Variants in MYPN observed in about 807,000 individuals in gnomAD.
MYPN encodes myopalladin.
A neutral mutation model predicts 129.4 loss-of-function variants in MYPN; 63 were observed. The ratio of observed to expected loss-of-function variants is 0.49; its 90% CI spans 0.40 to 0.60. The LOEUF (loss-of-function observed/expected upper bound fraction) is 0.60, where lower values mean the gene tolerates loss of function less well. Ranked by LOEUF, MYPN falls within the 20% of genes least tolerant of loss-of-function variation. The probability of loss-of-function intolerance (pLI) is 0.00; values close to 1 mark genes in which losing one functional copy is unlikely to be tolerated. For missense variants in MYPN, 1,596 were observed against 1,635.4 expected, an observed-to-expected ratio of 0.98 and a Z score of 0.42; for synonymous variants, 629 against 600.9, an observed-to-expected ratio of 1.05 and a Z score of -0.68.
At chr10:68,116,534 C>T (rs1307690729) in intron 1 of MYPN, among the ~76,000 whole-genome samples, 1 of 152,152 alleles carries the variant, frequency 6.6e-6, no homozygotes, top group Non-Finnish European at 1.5e-5. Flanking sequence ...GAAAGTAAAG[C>T]ATTCCAGCCT....
At chr10:68,089,860 T>C (rs1324505696) in intron 1 of MYPN, among the ~76,000 whole-genome samples, 7 of 152,180 alleles carry the variant, frequency 4.6e-5, no homozygotes, top group Non-Finnish European at 7.3e-5. Context: ...TAATAAATGC[T>C]TTACAGTAAT....
At chr10:68,177,527 A>T (rs1211678635) in intron 12 of MYPN, among the ~76,000 whole-genome samples, 1 of 152,196 alleles carries the variant, frequency 6.6e-6, no homozygotes, top group Non-Finnish European at 1.5e-5. Context: ...TGGGAAATAA[A>T]ATGATGATCA....
intron 15 of MYPN, 92 bp downstream of exon 15, chr10:68,195,624 A>G: frequency 9.5e-7 from 1 of 1,048,796 alleles, no homozygotes; most frequent in South Asian, 1.3e-5. Context: ...CAAATTCTTA[A>G]TTAAAGGTAG....
At chr10:68,140,546 T>C (rs578042196) in intron 2 of MYPN, among the ~76,000 whole-genome samples, 1 of 152,104 alleles carries the variant, frequency 6.6e-6, no homozygotes, top group South Asian at 2.1e-4. Flanking sequence ...GTAACAATCA[T>C]TCAGAATTGA....
intron 1 of MYPN, among the ~76,000 whole-genome samples, chr10:68,094,289 A>G (rs376524653): frequency 3.4e-5 from 5 of 148,936 alleles, no homozygotes; most frequent in South Asian, 2.1e-4. Context: ...TTTGAGATGG[A>G]GTTTCGCTCT....
chr10:68,184,349 C>T (rs577218528), intron 12 of MYPN, among the ~76,000 whole-genome samples: 2 of 152,294 alleles, frequency 1.3e-5, no homozygotes, highest in South Asian at 4.1e-4. Context: ...GTAAAAGGAT[C>T]GGATGCATGA....
intron 1 of MYPN, among the ~76,000 whole-genome samples, chr10:68,093,589 A>G (rs991509287): frequency 7.9e-5 from 12 of 151,246 alleles, no homozygotes; most frequent in African/African-American, 2.4e-4. Flanking sequence ...AAAAAAAAAA[A>G]AAAAAGAAAT....
intron 12 of MYPN, among the ~76,000 whole-genome samples, chr10:68,176,833 C>G (rs10509297): frequency 0.18 from 28,033 of 152,162 alleles, 3,093 homozygotes; most frequent in East Asian, 0.39. Flanking sequence ...CTAGGATACT[C>G]TCACATTTTC....
At position 68,148,280 on chromosome 10, in the gene MYPN, C is replaced by T. The variant is rs1392300309; in HGVS notation, c.1131-73C>T. 2.5e-6 allele frequency: 3 copies of T among 1,188,188 alleles called. No individual in the cohort carries two copies. The East Asian group carries it at 7.5e-5, about 30-fold the overall frequency. 73.6% of individuals were successfully genotyped at this position (1,188,188 alleles called of 1,614,324 possible). ...TCACCTGTAAGCAGTGATGCCATTA[C>T]TAGTTTTCCTAAAATAATTTTCACA... On this transcript the variant is annotated intron_variant, in intron 4 of 19. Transcript: ENST00000358913.
At chr10:68,181,190 C>T (rs546955529) in intron 12 of MYPN, among the ~76,000 whole-genome samples, 1 of 152,264 alleles carries the variant, frequency 6.6e-6, no homozygotes, top group East Asian at 1.9e-4. Flanking sequence ...ATGGAGAACA[C>T]GGCATAAACC....
intron 2 of MYPN, among the ~76,000 whole-genome samples, chr10:68,130,475 A>T (rs1485407518): frequency 6.6e-6 from 1 of 151,984 alleles, no homozygotes; most frequent in Non-Finnish European, 1.5e-5. Flanking sequence ...TCTCGAAAAA[A>T]AAAAAAAACA....
At chr10:68,187,995 A>G (rs1366088918) in intron 12 of MYPN, among the ~76,000 whole-genome samples, 2 of 152,254 alleles carry the variant, frequency 1.3e-5, no homozygotes, top group Non-Finnish European at 1.5e-5. Context: ...GCAAGAGAAT[A>G]GGTGACAATG....
upstream of MYPN, chr10:68,109,271 G>A (rs1258948209): frequency 1.9e-5 from 4 of 214,216 alleles, no homozygotes; most frequent in African/African-American, 9.1e-5. Context: ...GATGAACTAT[G>A]GTATAATGCA....
intron 13 of MYPN, 51 bp downstream of exon 13, chr10:68,189,177 C>T (rs574159457): frequency 3.8e-6 from 5 of 1,328,994 alleles, no homozygotes; most frequent in African/African-American, 2.9e-5. Flanking sequence ...AAGCTATAGA[C>T]AGTGCCTTCA....
Position 68,117,893 on chromosome 10 carries a change from A to C in MYPN, c.-1-3545A>C, listed in dbSNP as rs554062662. Among the ~76,000 whole-genome samples the C allele has an allele frequency of 1.2e-4, 19 of 152,032 alleles. No homozygotes were observed. The South Asian group carries it at 3.5e-3, about 28-fold the overall frequency. ...TTCTACCTATGATATGGCTACTACT[A>C]TTATATCTGTTTTACAGATGAGTAA... On this transcript the variant is annotated intron_variant, in intron 1 of 19. Transcript: ENST00000358913.
At chr10:68,093,045 A>T (rs971245913) in intron 1 of MYPN, among the ~76,000 whole-genome samples, 11 of 151,842 alleles carry the variant, frequency 7.2e-5, no homozygotes, top group Non-Finnish European at 1.5e-4. Flanking sequence ...GATAATTTTT[A>T]TTTTTTTTAG....
In MYPN at chr10:68,162,184, AAAAAAC is replaced by A. The variant is rs1307503766; in HGVS notation, c.1483+434_1483+439del. On this transcript the variant is annotated intron_variant, in intron 8 of 19. Coordinates refer to ENST00000358913, the MANE Select transcript of MYPN (RefSeq NM_032578.4). ...TCTGTCTCAAAAAAAAAAAAAAAAAAAAAAACATCCAAATGAACTATAGCTATTATT... is the reference window on the plus strand; with the variant it reads ...TCTGTCTCAAAAAAAAAAAAAAAAAAATCCAAATGAACTATAGCTATTATT... 547 of 150,188 alleles carry A rather than the reference AAAAAAC, an allele frequency of 3.6e-3. 5 individuals are homozygous for A. Among genetic ancestry groups the A allele is most frequent in the African/African-American group, 0.013 (527 of 41,208 alleles). The allele number at this position is 150,188 out of a possible 1,614,324, so 9.3% of individuals were successfully genotyped here. A position where few individuals can be genotyped will look rare whatever the true frequency, so the allele number is the denominator to read the frequency against.
chr10:68,168,109 G>A (rs2043082417), intron 10 of MYPN, among the ~76,000 whole-genome samples: 2 of 152,252 alleles, frequency 1.3e-5, no homozygotes, highest in Admixed American at 6.5e-5. Flanking sequence ...CTCATAAGTG[G>A]CCCATCATGG....
At chr10:68,152,553 T>C (rs2134108195) in intron 6 of MYPN, among the ~76,000 whole-genome samples, 1 of 152,306 alleles carries the variant, frequency 6.6e-6, no homozygotes, top group Non-Finnish European at 1.5e-5. Flanking sequence ...AATAACTAGA[T>C]AGGAGTCCAT....
Sources: gnomAD v4.1 joint callset for allele counts (sites outside exome capture counted in the v4.1 genomes callset) on GRCh38, gnomAD v4.1.1 for gene constraint, MANE v1.5 for transcripts, NCBI Gene and HGNC (gene_info 2026-07-23, HGNC 2026-07-21) for gene names.